The following CSMD1 variants were observed in gnomAD, a reference collection of about 807,000 sequenced individuals.
CSMD1 encodes the protein CUB and sushi domain-containing protein 1.
In CSMD1, 213 loss-of-function variants were observed where a neutral mutation model predicts 417.5. That is an observed-to-expected ratio of 0.51 (90% CI 0.46 to 0.57). The LOEUF (loss-of-function observed/expected upper bound fraction) is 0.57. Ranked by LOEUF, CSMD1 falls within the 20% of genes least tolerant of loss-of-function variation. The pLI, the probability that CSMD1 is intolerant of heterozygous loss-of-function variation, is 0.00. For missense variants in CSMD1, 6,923 were observed against 4,529.7 expected (o/e 1.53, Z -15.17); for synonymous variants, 2,862 against 1,736.8 (o/e 1.65, Z -16.11).
chr8:3,427,188 C>G (rs943727668), intron 12 of CSMD1, among the ~76,000 whole-genome samples: 1 of 152,194 alleles, frequency 6.6e-6, no homozygotes, highest in Non-Finnish European at 1.5e-5. Flanking sequence ...GGTGCAGACT[C>G]AGCCAAACTA....
chr8:3,102,791 C>G (rs1213696837), intron 46 of CSMD1, among the ~76,000 whole-genome samples: 1 of 152,144 alleles, frequency 6.6e-6, no homozygotes, highest in Non-Finnish European at 1.5e-5. Context: ...GCTGTAAGAG[C>G]CAGCGCCTTT....
chr8:4,974,598 C>A (rs535646553), intron 1 of CSMD1, among the ~76,000 whole-genome samples: 1 of 151,978 alleles, frequency 6.6e-6, no homozygotes, highest in Non-Finnish European at 1.5e-5. Flanking sequence ...TAACAAACAT[C>A]AACATATATA....
At chr8:3,445,057 C>T (rs1023392350) in intron 12 of CSMD1, among the ~76,000 whole-genome samples, 5 of 152,000 alleles carry the variant, frequency 3.3e-5, no homozygotes, top group African/African-American at 1.2e-4. Flanking sequence ...GAGATGCAAT[C>T]GGCAAAATGT....
intron 7 of CSMD1, among the ~76,000 whole-genome samples, chr8:3,655,029 A>C (rs1185033749): frequency 6.6e-6 from 1 of 152,264 alleles, no homozygotes; most frequent in Non-Finnish European, 1.5e-5. Flanking sequence ...TTTTAAATTT[A>C]ATTAAAATAT....
intron 3 of CSMD1, among the ~76,000 whole-genome samples, chr8:4,052,069 G>A (rs925160456): frequency 2.0e-5 from 3 of 151,924 alleles, no homozygotes; most frequent in Non-Finnish European, 4.4e-5. Flanking sequence ...CCAAGTAGCC[G>A]GGACTAAATA....
At chr8:4,142,757 A>G (rs1257222276) in intron 3 of CSMD1, among the ~76,000 whole-genome samples, 18 of 151,064 alleles carry the variant, frequency 1.2e-4, no homozygotes, top group Admixed American at 1.1e-3. Context: ...GAACTTGCCA[A>G]TCACTTCATT....
chr8:3,353,531 C>T (rs547157857), intron 21 of CSMD1, among the ~76,000 whole-genome samples: 6 of 152,090 alleles, frequency 3.9e-5, no homozygotes, highest in Non-Finnish European at 8.8e-5. Context: ...AAAGAAACTG[C>T]GAGAGCGCTC....
intron 1 of CSMD1, among the ~76,000 whole-genome samples, chr8:4,885,590 G>A (rs1162074571): frequency 1.3e-5 from 2 of 151,774 alleles, no homozygotes; most frequent in Non-Finnish European, 2.9e-5. Context: ...ATGATTAGGT[G>A]GCTTTTGTCC....
intron 3 of CSMD1, among the ~76,000 whole-genome samples, chr8:4,234,958 G>C (rs1801958228): frequency 6.6e-6 from 1 of 152,148 alleles, no homozygotes; most frequent in Non-Finnish European, 1.5e-5. Context: ...TAAGGGCGGG[G>C]TGTTCATGAC....
intron 3 of CSMD1, among the ~76,000 whole-genome samples, chr8:4,243,537 T>C (rs1563326627): frequency 6.6e-6 from 1 of 152,132 alleles, no homozygotes; most frequent in Non-Finnish European, 1.5e-5. Context: ...ACCAGAGAAA[T>C]GGGGAAATTA....
intron 11 of CSMD1, among the ~76,000 whole-genome samples, chr8:3,488,612 G>C (rs1396913668): frequency 9.9e-5 from 15 of 152,100 alleles, no homozygotes; most frequent in Admixed American, 7.2e-4. Flanking sequence ...CTAGGACAAT[G>C]GCTTATTCTC....
chr8:3,981,969 A>C (rs1164911439), intron 5 of CSMD1, among the ~76,000 whole-genome samples: 1 of 151,942 alleles, frequency 6.6e-6, no homozygotes, highest in Non-Finnish European at 1.5e-5. Context: ...CAGGAGATTG[A>C]GACCATCCTG....
At position 4,876,697 on chromosome 8, in the gene CSMD1, G is replaced by A. The variant is rs1309663311; in HGVS notation, c.85+117635C>T. Among the ~76,000 whole-genome samples, 11 of 152,104 alleles carry A rather than the reference G, an allele frequency of 7.2e-5. No homozygotes were observed. The East Asian group carries it at 1.7e-3, about 24-fold the overall frequency. ...CGTTAGGTGCATATAGTCTCCTTCTGTGCTAATTTCTAAGACAATATCATG... is the reference window on the plus strand; with the variant it reads ...CGTTAGGTGCATATAGTCTCCTTCTATGCTAATTTCTAAGACAATATCATG... On this transcript the variant is annotated intron_variant, in intron 1 of 69. Transcript: ENST00000635120.
chr8:4,372,678 C>T (rs765806780), intron 3 of CSMD1, among the ~76,000 whole-genome samples: 2 of 150,694 alleles, frequency 1.3e-5, no homozygotes, highest in Admixed American at 6.6e-5. Context: ...TTGATGCAGG[C>T]CTGTCAAAGG....
At chr8:4,308,703 G>T (rs1334573688) in intron 3 of CSMD1, among the ~76,000 whole-genome samples, 1 of 152,128 alleles carries the variant, frequency 6.6e-6, no homozygotes, top group African/African-American at 2.4e-5. Flanking sequence ...GAGTTTAATT[G>T]CATTTGCATG....
chr8:3,709,861 G>C (rs1393433874), intron 6 of CSMD1, among the ~76,000 whole-genome samples: 4 of 150,926 alleles, frequency 2.7e-5, no homozygotes, highest in African/African-American at 4.9e-5. Flanking sequence ...GTGTGTGTGT[G>C]TGTGTGTACA....
intron 3 of CSMD1, among the ~76,000 whole-genome samples, chr8:4,242,039 C>T (rs1014193202): frequency 1.3e-5 from 2 of 152,068 alleles, no homozygotes; most frequent in African/African-American, 4.8e-5. Context: ...TACCTTTTGA[C>T]TTTGTGAAAT....
intron 9 of CSMD1, among the ~76,000 whole-genome samples, chr8:3,581,806 T>C (rs1379744521): frequency 1.3e-5 from 2 of 152,182 alleles, no homozygotes; most frequent in Non-Finnish European, 2.9e-5. Context: ...TCTTTTTTTT[T>C]TCCTTTTTAG....
chr8:4,795,133 C>T (rs1370271368), intron 1 of CSMD1, among the ~76,000 whole-genome samples: 1 of 151,044 alleles, frequency 6.6e-6, no homozygotes, highest in South Asian at 2.1e-4. Context: ...CAACAGTAGA[C>T]AGAAACTGGT....
Sources: allele counts gnomAD v4.1 joint callset (sites outside exome capture counted in the v4.1 genomes callset), GRCh38; gene constraint gnomAD v4.1.1; transcripts MANE v1.5; gene names NCBI Gene and HGNC (gene_info 2026-07-23, HGNC 2026-07-21).